The following MACROD2 variants were observed in gnomAD, a reference collection of about 807,000 sequenced individuals.
MACROD2 encodes mono-ADP ribosylhydrolase 2.
A neutral mutation model predicts 70.4 loss-of-function variants in MACROD2; 36 were observed. The ratio of observed to expected loss-of-function variants is 0.51; its 90% CI spans 0.39 to 0.68. The LOEUF (loss-of-function observed/expected upper bound fraction) is 0.68, where lower values mean the gene tolerates loss of function less well. Among genes scored for constraint, MACROD2 ranks in the 30% least tolerant of loss-of-function variants. The probability of loss-of-function intolerance (pLI) is 0.00; values close to 1 mark genes in which losing one functional copy is unlikely to be tolerated. For missense variants in MACROD2, 496 were observed against 538.4 expected, an observed-to-expected ratio of 0.92 and a Z score of 0.78; for synonymous variants, 172 against 178.8, an observed-to-expected ratio of 0.96 and a Z score of 0.30.
chr20:14,607,943 A>G (rs1432590321), intron 4 of MACROD2, among the ~76,000 whole-genome samples: 2 of 152,140 alleles, frequency 1.3e-5, no homozygotes, highest in Non-Finnish European at 2.9e-5. Context: ...ATTATTTTTA[A>G]TTATTGTGGT....
chr20:15,193,761 T>C (rs2076587063), intron 5 of MACROD2, among the ~76,000 whole-genome samples: 1 of 151,602 alleles, frequency 6.6e-6, no homozygotes, highest in Admixed American at 6.6e-5. Flanking sequence ...TCCTTCATTC[T>C]CCTACTCTCA....
chr20:15,091,157 A>G (rs2075789708), intron 5 of MACROD2, among the ~76,000 whole-genome samples: 1 of 152,080 alleles, frequency 6.6e-6, no homozygotes, highest in Non-Finnish European at 1.5e-5. Context: ...ACTAACACCT[A>G]GTAACACATT....
intron 2 of MACROD2, among the ~76,000 whole-genome samples, chr20:14,059,521 G>A (rs1009158356): frequency 2.6e-5 from 4 of 152,236 alleles, no homozygotes; most frequent in Admixed American, 6.5e-5. Context: ...ACTGCAGTTC[G>A]GATTAAGGCT....
At chr20:15,712,602 C>G (rs984060435) in intron 8 of MACROD2, among the ~76,000 whole-genome samples, 2 of 152,204 alleles carry the variant, frequency 1.3e-5, no homozygotes, top group African/African-American at 4.8e-5. Context: ...TATACTGTGG[C>G]TTTATTTTGT....
intron 5 of MACROD2, among the ~76,000 whole-genome samples, chr20:15,121,857 G>C (rs2076033336): frequency 6.6e-6 from 1 of 152,164 alleles, no homozygotes; most frequent in Admixed American, 6.6e-5. Context: ...TTCAAAAGAT[G>C]ATTTATGATA....
chr20:15,728,895 C>A (rs1256473837), intron 8 of MACROD2, among the ~76,000 whole-genome samples: 1 of 151,938 alleles, frequency 6.6e-6, no homozygotes, highest in Non-Finnish European at 1.5e-5. Flanking sequence ...CAGTTCAATT[C>A]TGATTTTGGT....
At chr20:14,276,962 T>G (rs987415) in intron 3 of MACROD2, among the ~76,000 whole-genome samples, 127,357 of 152,134 alleles carry the variant, frequency 0.84, 54,272 homozygotes, top group Non-Finnish European at 0.92. Context: ...CTTATATGTG[T>G]TTAATTGAGT....
chr20:14,809,587 A>C (rs139306654), intron 5 of MACROD2, among the ~76,000 whole-genome samples: 2,045 of 152,138 alleles, frequency 0.013, 45 homozygotes, highest in African/African-American at 0.047. Context: ...CCAAGATCAG[A>C]GCAGAAATGA....
At chr20:14,019,957 G>A (rs1041014708) in intron 2 of MACROD2, among the ~76,000 whole-genome samples, 2 of 152,082 alleles carry the variant, frequency 1.3e-5, no homozygotes, top group African/African-American at 4.8e-5. Context: ...AGTTTTACAA[G>A]TGGTTTAGGT....
At position 14,485,498 on chromosome 20, in the gene MACROD2, A is replaced by G. The variant is rs780614751; in HGVS notation, c.272-7981A>G. ...GGGCGAATCACGAGGTCGGGAAATC[A>G]GGATCATCCTGGCTAACACGGTGAA... is the stretch of plus-strand genomic sequence containing the variant. On this transcript the variant is annotated intron_variant, in intron 3 of 17. Transcript: ENST00000684519. Among the ~76,000 whole-genome samples, 265 of 152,052 alleles carry G rather than the reference A, an allele frequency of 1.7e-3. 1 individual carries two copies. The highest frequency in any genetic ancestry group is 2.9e-3 in the Non-Finnish European group (200 of 67,948).
At chr20:15,948,983 A>G (rs975640826) in intron 12 of MACROD2, among the ~76,000 whole-genome samples, 9 of 152,218 alleles carry the variant, frequency 5.9e-5, no homozygotes, top group African/African-American at 1.9e-4. Context: ...TTTACATCCA[A>G]ATAGGTCCAA....
At chr20:14,231,644 G>T (rs6079363) in intron 3 of MACROD2, among the ~76,000 whole-genome samples, 147,424 of 152,136 alleles carry the variant, frequency 0.97, 71,447 homozygotes, top group Admixed American at 0.99. Flanking sequence ...TAATCCTTTG[G>T]GTATATACCC....
chr20:15,074,137 G>A (rs1423137744), intron 5 of MACROD2, among the ~76,000 whole-genome samples: 1 of 152,162 alleles, frequency 6.6e-6, no homozygotes, highest in Non-Finnish European at 1.5e-5. Context: ...AAGCTAATGA[G>A]TTAGCTGGTG....
chr20:14,093,162 G>T (rs1482192309), intron 3 of MACROD2, among the ~76,000 whole-genome samples: 1 of 152,048 alleles, frequency 6.6e-6, no homozygotes, highest in Non-Finnish European at 1.5e-5. Context: ...CTCAATGCAG[G>T]CTTGAGCTCC....
chr20:15,001,945 C>CCACACACACACACACACA (rs111994400), intron 5 of MACROD2, among the ~76,000 whole-genome samples: 1 of 145,990 alleles, frequency 6.8e-6, no homozygotes, highest in Non-Finnish European at 1.5e-5. Context: ...GTGTGCATGC[C>CCACACACACACACACACA]CACACACACA....
intron 2 of MACROD2, among the ~76,000 whole-genome samples, chr20:14,011,978 A>G (rs780336651): frequency 1.8e-4 from 27 of 152,042 alleles, no homozygotes; most frequent in Middle Eastern, 3.4e-3. Flanking sequence ...GCATGATCTT[A>G]GCTCACTGCA....
rs547700779 is a variant in MACROD2, at chr20:15,812,273, T to G, written c.646-50472T>G. On this transcript the variant is annotated intron_variant, in intron 8 of 17. Transcript: ENST00000684519. ...TGAATTGAGTCCTTTCTCTTATTATTTTTCACACTGTTATCTGAACTGATA... is the reference window on the plus strand; with the variant it reads ...TGAATTGAGTCCTTTCTCTTATTATGTTTCACACTGTTATCTGAACTGATA... Among the ~76,000 whole-genome samples, 3 of 152,342 alleles carry G rather than the reference T, an allele frequency of 2.0e-5. No homozygotes were observed. In the East Asian group the frequency reaches 5.8e-4, roughly 29 times the overall value.
At chr20:15,826,482 A>G (rs930793473) in intron 8 of MACROD2, among the ~76,000 whole-genome samples, 2 of 152,256 alleles carry the variant, frequency 1.3e-5, no homozygotes, top group Non-Finnish European at 2.9e-5. Flanking sequence ...CAAACATTTT[A>G]TGAATAAACA....
chr20:13,995,974 C>T lies in MACROD2; in HGVS notation c.46+165C>T, dbSNP rs2052635966. Among the ~76,000 whole-genome samples the T allele has an allele frequency of 6.6e-6, 1 of 152,214 alleles. No individual in the cohort carries two copies. Among genetic ancestry groups the T allele is most frequent in the Non-Finnish European group, 1.5e-5 (1 of 67,996 alleles). On this transcript the variant is annotated intron_variant, in intron 1 of 17. Transcript: ENST00000684519. This position sits in a 1 kb window ranked among gnomAD's most constrained non-coding sequence, Gnocchi z 4.3. ...CCGTGTGTACACACGCGCACACTCG[C>T]GCGCACTCCGGCGTGCACGCGCCGC...
Sources: gnomAD v4.1 joint callset for allele counts (sites outside exome capture counted in the v4.1 genomes callset) on GRCh38, gnomAD v4.1.1 for gene constraint, Gnocchi (gnomAD v3.1) non-coding constraint, MANE v1.5 for transcripts, NCBI Gene and HGNC (gene_info 2026-07-23, HGNC 2026-07-21) for gene names.